The following CNTRL variants were observed in gnomAD, a reference collection of about 807,000 sequenced individuals.
CNTRL encodes the protein 110 kDa centrosomal protein.
Under a neutral mutation model 303.7 loss-of-function variants are expected in CNTRL, and 233 were observed. That is an observed-to-expected ratio of 0.77 (90% CI 0.69 to 0.86). CNTRL has a LOEUF of 0.86. Ranked by LOEUF, CNTRL falls within the 40% of genes least tolerant of loss-of-function variation. The pLI, the probability that CNTRL is intolerant of heterozygous loss-of-function variation, is 0.00. For synonymous variants in CNTRL, 900 were observed against 922.2 expected, an observed-to-expected ratio of 0.98 and a Z score of 0.44; for missense variants, 2,524 against 2,650.6, an observed-to-expected ratio of 0.95 and a Z score of 1.05.
chr9:121,129,957 A>C (rs1460062763), intron 14 of CNTRL, among the ~76,000 whole-genome samples: 1 of 151,620 alleles, frequency 6.6e-6, no homozygotes, highest in Non-Finnish European at 1.5e-5. Context: ...TGTATGTTGA[A>C]CCAGCCTTGC....
At chr9:121,139,315 G>C (rs867330309) in intron 16 of CNTRL, among the ~76,000 whole-genome samples, 1 of 152,098 alleles carries the variant, frequency 6.6e-6, no homozygotes, top group Non-Finnish European at 1.5e-5. Flanking sequence ...TCATCACTCA[G>C]TTCTCCAAAT....
intron 27 of CNTRL, among the ~76,000 whole-genome samples, chr9:121,156,731 T>G (rs1401494912): frequency 6.9e-6 from 1 of 144,694 alleles, no homozygotes; most frequent in Non-Finnish European, 1.5e-5. Context: ...CATCTTATGT[T>G]AGGCAGAAAA....
rs779314748 is a variant in CNTRL at position 121,135,788 on chromosome 9, C to T, written c.2026-18C>T. ...GCACAGTGAGGGTTCCATAGTTAAA[C>T]CCACTGAATCTTTCTAGGAGCTTGC... On this transcript the variant is annotated intron_variant, in intron 14 of 43. Transcript: ENST00000373855. 2 of 1,592,132 alleles carry T rather than the reference C, an allele frequency of 1.3e-6. No homozygotes were observed. The highest frequency in any genetic ancestry group is 3.5e-5 in the Admixed American group (2 of 56,922).
chr9:121,137,449 A>G (rs1418484375), intron 15 of CNTRL, among the ~76,000 whole-genome samples: 2 of 152,258 alleles, frequency 1.3e-5, no homozygotes, highest in East Asian at 3.8e-4. Flanking sequence ...AGAAGCGTCA[A>G]TATGTGCCTA....
At chr9:121,103,450 A>C (rs2132799634) in intron 7 of CNTRL, among the ~76,000 whole-genome samples, 1 of 152,344 alleles carries the variant, frequency 6.6e-6, no homozygotes, top group East Asian at 1.9e-4. Context: ...AAAACCCTAG[A>C]AGAAAACCTA....
At position 121,112,560 on chromosome 9, in the gene CNTRL, A is replaced by G. The variant is rs753626133; in HGVS notation, c.1104A>G (p.Leu368=). The change falls in exon 9 of 44, where the codon CTA becomes CTG. Residue 368 remains leucine, a synonymous_variant. Coordinates refer to ENST00000373855, the MANE Select transcript of CNTRL (RefSeq NM_007018.6). ...AAATTGATGCTAAATTTGAGCCACTAAATTATTATCCATCAGAGGTGAGTT... is the reference window on the plus strand; with the variant it reads ...AAATTGATGCTAAATTTGAGCCACTGAATTATTATCCATCAGAGGTGAGTT... The part of the protein sequence containing the change: ...FYKIDAKFEP[L]NYYPSEYAEI... The G allele has an allele frequency of 3.1e-6, 5 of 1,612,538 alleles. No homozygotes were observed. The highest frequency in any genetic ancestry group is 3.4e-6 in the Non-Finnish European group (4 of 1,178,810).
intron 12 of CNTRL, among the ~76,000 whole-genome samples, chr9:121,120,708 C>T (rs976315651): frequency 1.3e-5 from 2 of 152,056 alleles, no homozygotes; most frequent in African/African-American, 4.8e-5. Context: ...ATATTTCTGG[C>T]GGACAGAGAG....
chr9:121,148,906 A>G (rs1342271651), intron 24 of CNTRL, 45 bp downstream of exon 24: 1 of 1,555,536 alleles, frequency 6.4e-7, no homozygotes, highest in African/African-American at 1.4e-5. Context: ...TTGCCCGTTT[A>G]ATAACCTTTT....
intron 2 of CNTRL, among the ~76,000 whole-genome samples, chr9:121,080,723 A>C (rs1340920307): frequency 6.6e-6 from 1 of 152,208 alleles, no homozygotes; most frequent in East Asian, 1.9e-4. Context: ...AATTCCAAAA[A>C]TTGAATATAT....
Position 121,079,366 on chromosome 9 carries a change from A to G in CNTRL, c.-204-940A>G, listed in dbSNP as rs17292910. On this transcript the variant is annotated intron_variant, in intron 1 of 43. Coordinates refer to ENST00000373855, the MANE Select transcript of CNTRL (RefSeq NM_007018.6). ...AAAGTACAGATACATTTAAGTTCAC[A>G]GTTTGAAGTACAGGTTGAAGGCCAG... Among the ~76,000 whole-genome samples the G allele has an allele frequency of 2.5e-3, 379 of 152,286 alleles. 3 individuals carry two copies. The East Asian group carries it at 0.04, about 16-fold the overall frequency.
At chr9:121,177,026 C>G (rs34355344) in intron 43 of CNTRL, 137 bp from the exon 44 acceptor site, 6 of 684,944 alleles carry the variant, frequency 8.8e-6, no homozygotes, top group African/African-American at 3.7e-5. Flanking sequence ...ATTTTGTACA[C>G]TGGTTCATCT....
chr9:121,151,612 G>A (rs1381565881), intron 25 of CNTRL, among the ~76,000 whole-genome samples: 2 of 151,972 alleles, frequency 1.3e-5, no homozygotes, highest in African/African-American at 4.8e-5. Context: ...GGCTGGTCTC[G>A]AACTCCTGAC....
At chr9:121,127,595 A>G (rs1237802333) in intron 14 of CNTRL, among the ~76,000 whole-genome samples, 1 of 152,082 alleles carries the variant, frequency 6.6e-6, no homozygotes, top group Non-Finnish European at 1.5e-5. Context: ...AGAGTCACCA[A>G]TTACTATTTT....
intron 7 of CNTRL, among the ~76,000 whole-genome samples, chr9:121,104,079 T>G (rs541581834): frequency 2.0e-5 from 3 of 152,308 alleles, no homozygotes; most frequent in Non-Finnish European, 2.9e-5. Context: ...CGCACACATA[T>G]GTTTATTGCG....
chr9:121,158,742 T>C lies in CNTRL; in HGVS notation c.4765-113T>C, dbSNP rs986362705. The C allele has an allele frequency of 4.8e-6, 5 of 1,032,814 alleles. No homozygotes were observed. In the Admixed American group the frequency reaches 6.8e-5, roughly 14 times the overall value. The allele number at this position is 1,032,814 out of a possible 1,614,324, so 64.0% of individuals were successfully genotyped here. The stretch of plus-strand genomic sequence containing the variant: ...CTCCTTGCCTGGCTTTTCTGACTCT[T>C]GGGGGCTAGGATATTAGCTCCTGAT... On this transcript the variant is annotated intron_variant, in intron 30 of 43. Transcript: ENST00000373855.
At position 121,177,343 on chromosome 9, in the gene CNTRL, T is replaced by C; in HGVS notation, c.*157T>C. 1 of 633,518 alleles carries C rather than the reference T, an allele frequency of 1.6e-6. No homozygotes were observed. The highest frequency in any genetic ancestry group is 2.8e-6 in the Non-Finnish European group (1 of 362,582). The allele number at this position is 633,518 out of a possible 1,614,324, so 39.2% of individuals were successfully genotyped here. ...ACTTTGCCTGTACCATTAATGCCAA[T>C]GTTTTTATAAATCACTTGTACATAG... is the stretch of plus-strand genomic sequence containing the variant. On this transcript the variant is annotated 3_prime_UTR_variant, in exon 44 of 44. Transcript: ENST00000373855.
At chr9:121,081,993 C>T (rs146413644) in intron 2 of CNTRL, among the ~76,000 whole-genome samples, 273 of 152,218 alleles carry the variant, frequency 1.8e-3, no homozygotes, top group African/African-American at 5.9e-3. Context: ...TATTAGTAAA[C>T]GAAAGACACT....
chr9:121,141,035 T>C (rs1235281529), intron 17 of CNTRL, among the ~76,000 whole-genome samples: 2 of 152,232 alleles, frequency 1.3e-5, no homozygotes, highest in East Asian at 1.9e-4. Context: ...TTAAGAGTTA[T>C]TGTTTCTTGA....
chr9:121,170,740 A>G (rs1408344959), intron 39 of CNTRL, among the ~76,000 whole-genome samples: 1 of 152,238 alleles, frequency 6.6e-6, no homozygotes, highest in Admixed American at 6.5e-5. Context: ...GGCATAAGCC[A>G]CCGCGCCTAG....
Sources: gnomAD v4.1 joint callset for allele counts (sites outside exome capture counted in the v4.1 genomes callset) on GRCh38, gnomAD v4.1.1 for gene constraint, MANE v1.5 for transcripts, NCBI Gene and HGNC (gene_info 2026-07-23, HGNC 2026-07-21) for gene names.